The following TAOK1 variants were observed in gnomAD, a reference collection of about 807,000 sequenced individuals.
TAOK1 encodes the protein serine/threonine-protein kinase TAO1.
TAOK1 carries 21 observed loss-of-function variants against 138.3 expected under a neutral mutation model. That is an observed-to-expected ratio of 0.15 (90% CI 0.11 to 0.22). TAOK1 has a LOEUF of 0.22. Among genes scored for constraint, TAOK1 ranks in the 10% least tolerant of loss-of-function variants. The probability of loss-of-function intolerance (pLI) is 1.00; values close to 1 mark genes in which losing one functional copy is unlikely to be tolerated. For synonymous variants in TAOK1, 361 were observed against 398.4 expected (o/e 0.91, Z 1.12); for missense variants, 651 against 1,227.7 (o/e 0.53, Z 7.02).
intron 1 of TAOK1, among the ~76,000 whole-genome samples, chr17:29,435,482 A>G (rs1013182668): frequency 6.6e-6 from 1 of 152,148 alleles, no homozygotes; most frequent in Non-Finnish European, 1.5e-5. Flanking sequence ...ATGGAACTCT[A>G]TTCCCCAAGG....
rs988625845 is a variant in TAOK1, at chr17:29,545,736, T to G, written c.*2714T>G. 4 of 152,132 alleles carry G rather than the reference T, an allele frequency of 2.6e-5. No homozygotes were observed. Among genetic ancestry groups the G allele is most frequent in the African/African-American group, 9.7e-5 (4 of 41,420 alleles). 9.4% of individuals were successfully genotyped at this position (152,132 alleles called of 1,614,324 possible). A position where few individuals can be genotyped will look rare whatever the true frequency, so the allele number is the denominator to read the frequency against. ...TTGTAGCAGAAAAATTGGAAGGGTT[T>G]TGAGATATCCTAGAGAAAGAGCAAG... On this transcript the variant is annotated 3_prime_UTR_variant, in exon 20 of 20. Transcript: ENST00000261716.
At chr17:29,508,485 A>G (rs1017996433) in intron 14 of TAOK1, among the ~76,000 whole-genome samples, 1 of 152,206 alleles carries the variant, frequency 6.6e-6, no homozygotes, top group African/African-American at 2.4e-5. Flanking sequence ...GGAACTAATA[A>G]GACATGGGAC....
intron 6 of TAOK1, among the ~76,000 whole-genome samples, chr17:29,479,069 G>T (rs540842877): frequency 6.6e-6 from 1 of 151,724 alleles, no homozygotes; most frequent in South Asian, 2.1e-4. Flanking sequence ...AGTTTGCAGT[G>T]AGCTGAGATT....
intron 1 of TAOK1, among the ~76,000 whole-genome samples, chr17:29,395,873 GC>G (rs1469726918): frequency 4.5e-5 from 4 of 87,958 alleles, no homozygotes; most frequent in Non-Finnish European, 8.3e-5. Flanking sequence ...TTGCCATGTT[GC>G]CCAGGCTGGT....
intron 1 of TAOK1, among the ~76,000 whole-genome samples, chr17:29,417,429 G>A (rs184357264): frequency 6.6e-6 from 1 of 152,000 alleles, no homozygotes; most frequent in African/African-American, 2.4e-5. Flanking sequence ...CGTTTTTTTC[G>A]TTCATGGCTT....
intron 1 of TAOK1, chr17:29,424,784 A>G (rs1351313072): frequency 5.9e-5 from 9 of 152,076 alleles, no homozygotes; most frequent in Admixed American, 5.9e-4. Flanking sequence ...TGTTTCATGA[A>G]TTTGTATGTC....
At chr17:29,535,031 A>T (rs2032199709) in intron 19 of TAOK1, among the ~76,000 whole-genome samples, 1 of 151,908 alleles carries the variant, frequency 6.6e-6, no homozygotes, top group Admixed American at 6.6e-5. Context: ...TGTTGCAAGA[A>T]GTGGTAGATT....
chr17:29,437,847 C>T (rs1247729758), intron 1 of TAOK1, among the ~76,000 whole-genome samples: 3 of 151,014 alleles, frequency 2.0e-5, no homozygotes, highest in Non-Finnish European at 2.9e-5. Flanking sequence ...ATTCTCTTGC[C>T]TCAGCCTCCC....
At chr17:29,395,303 G>C (rs1164400356) in intron 1 of TAOK1, among the ~76,000 whole-genome samples, 1 of 151,956 alleles carries the variant, frequency 6.6e-6, no homozygotes, top group Middle Eastern at 3.2e-3. Flanking sequence ...GGCCAAGGTG[G>C]GCGGATCACC....
At chr17:29,531,552 C>G (rs561159834) in intron 18 of TAOK1, among the ~76,000 whole-genome samples, 1 of 151,792 alleles carries the variant, frequency 6.6e-6, no homozygotes, top group Non-Finnish European at 1.5e-5. Context: ...CACCTGAGGT[C>G]AAGAATTCGA....
At chr17:29,437,878 G>A (rs1906085895) in intron 1 of TAOK1, among the ~76,000 whole-genome samples, 1 of 151,504 alleles carries the variant, frequency 6.6e-6, no homozygotes, top group African/African-American at 2.4e-5. Context: ...GATTACAGGT[G>A]CCCACCACTA....
Position 29,542,596 on chromosome 17 carries a change from C to T in TAOK1, c.2580C>T (p.Arg860=). 3.1e-6 allele frequency: 5 copies of T among 1,612,814 alleles called. No individual in the cohort carries two copies. Among genetic ancestry groups the T allele is most frequent in the Non-Finnish European group, 4.2e-6 (5 of 1,179,234 alleles). Residue 860 remains arginine (R), a synonymous_variant, in exon 20 of 20, where the codon CGC becomes CGT. Coordinates refer to ENST00000261716, the MANE Select transcript of TAOK1 (RefSeq NM_020791.4). ...EEEMLALQNE[R]TERIRSLLER... ...AGATGTTGGCTTTGCAGAATGAGCGCACAGAACGAATACGAAGCCTGTTGG... is the reference window on the plus strand; with the variant it reads ...AGATGTTGGCTTTGCAGAATGAGCGTACAGAACGAATACGAAGCCTGTTGG...
intron 4 of TAOK1, among the ~76,000 whole-genome samples, chr17:29,477,311 T>C (rs191048772): frequency 7.1e-4 from 108 of 152,156 alleles, no homozygotes; most frequent in African/African-American, 2.5e-3. Flanking sequence ...AATGGAATAG[T>C]ACATTTTTAA....
intron 1 of TAOK1, among the ~76,000 whole-genome samples, chr17:29,391,956 C>T (rs1028599487): frequency 6.6e-6 from 1 of 152,208 alleles, no homozygotes; most frequent in Non-Finnish European, 1.5e-5. Context: ...GTGGCTCACG[C>T]CTGTAATCCC....
rs2032375893 is a variant in TAOK1, at chr17:29,544,823, C to T, written c.*1801C>T. ...CTGCTTTTCCTATAGTCAGAGGGCT[C>T]CAAGGTAGAACTCTCTAAGTCCCTC... On this transcript the variant is annotated 3_prime_UTR_variant, in exon 20 of 20. Transcript: ENST00000261716. 1 of 152,194 alleles carries T rather than the reference C, an allele frequency of 6.6e-6. No individual in the cohort carries two copies. The highest frequency in any genetic ancestry group is 2.1e-4 in the South Asian group (1 of 4,822). 9.4% of individuals were successfully genotyped at this position (152,194 alleles called of 1,614,324 possible).
intron 1 of TAOK1, among the ~76,000 whole-genome samples, chr17:29,444,529 C>CT (rs1447655526): frequency 6.6e-6 from 1 of 152,146 alleles, no homozygotes; most frequent in Non-Finnish European, 1.5e-5. Flanking sequence ...TTATTTTTGA[C>CT]TTTTTCCTGT....
chr17:29,464,323 A>T lies in TAOK1; in HGVS notation c.133-2822A>T, dbSNP rs182107352. ...GCTGGGCGTGGTGGCGGGCACCTGT[A>T]GTCCCAGCTACTCAGGAGGCTGAGG... On this transcript the variant is annotated intron_variant, in intron 2 of 19. Coordinates refer to ENST00000261716, the MANE Select transcript of TAOK1 (RefSeq NM_020791.4). 2.4e-4 allele frequency among the ~76,000 whole-genome samples: 36 copies of T among 151,744 alleles called. No individual in the cohort carries two copies. In the East Asian group the frequency reaches 6.8e-3, roughly 29 times the overall value.
chr17:29,471,380 A>T (rs1362431505), intron 3 of TAOK1, among the ~76,000 whole-genome samples: 4 of 139,916 alleles, frequency 2.9e-5, no homozygotes, highest in Non-Finnish European at 6.0e-5. Flanking sequence ...CCCGGGTTCA[A>T]GTGATTCTCC....
intron 1 of TAOK1, among the ~76,000 whole-genome samples, 171 bp downstream of exon 1, chr17:29,391,195 C>T (rs1053056187): frequency 6.6e-6 from 1 of 152,088 alleles, no homozygotes; most frequent in Non-Finnish European, 1.5e-5. Flanking sequence ...GGGCGCCCTC[C>T]GGTTTTAAGG....
Sources: allele counts gnomAD v4.1 joint callset (sites outside exome capture counted in the v4.1 genomes callset), GRCh38; gene constraint gnomAD v4.1.1; transcripts MANE v1.5; gene names NCBI Gene and HGNC (gene_info 2026-07-23, HGNC 2026-07-21).